The following AUTS2 variants were observed in gnomAD, a reference collection of about 807,000 sequenced individuals.
AUTS2 encodes activator of transcription and developmental regulator AUTS2, also known as autism susceptibility gene 2 protein.
In AUTS2, 17 loss-of-function variants were observed where a neutral mutation model predicts 112.4. That is an observed-to-expected ratio of 0.15 (90% confidence interval 0.10 to 0.23). The LOEUF is 0.23. AUTS2 is among the 10% of genes least tolerant of loss of function. The pLI is 1.00. For missense variants in AUTS2, 1,510 were observed against 1,701.6 expected (o/e 0.89, Z 1.98); for synonymous variants, 751 against 702.7 (o/e 1.07, Z -1.09).
In AUTS2 at chr7:70,011,399, C is replaced by T. The variant is rs1799802521; in HGVS notation, c.523-106733C>T. ...TCCCTTTTCTACTCTCCCACTTCTA[C>T]CCTCATTTACTTATTTCTCAATTTA... On this transcript the variant is annotated intron_variant, in intron 2 of 18. Coordinates refer to ENST00000342771, the MANE Select transcript of AUTS2 (RefSeq NM_015570.4). Among the ~76,000 whole-genome samples the T allele has an allele frequency of 2.1e-5, 3 of 146,048 alleles. No individual in the cohort carries two copies. The Admixed American group carries it at 2.1e-4, about 10-fold the overall frequency.
At chr7:69,946,857 C>T (rs557368168) in intron 2 of AUTS2, among the ~76,000 whole-genome samples, 9 of 152,038 alleles carry the variant, frequency 5.9e-5, no homozygotes, top group Non-Finnish European at 1.2e-4. Context: ...TGTTTCTTTT[C>T]GTCTGGTTGG....
At chr7:70,296,907 T>C (rs1788964909) in intron 4 of AUTS2, among the ~76,000 whole-genome samples, 1 of 150,754 alleles carries the variant, frequency 6.6e-6, no homozygotes, top group Non-Finnish European at 1.5e-5. Flanking sequence ...AGTGGTGTTA[T>C]CACAGCTCGC....
intron 18 of AUTS2, among the ~76,000 whole-genome samples, 155 bp downstream of exon 18, chr7:70,787,586 G>A (rs896999215): frequency 5.9e-5 from 9 of 152,094 alleles, no homozygotes; most frequent in Admixed American, 2.0e-4. Flanking sequence ...GCAGCCCCTC[G>A]CAGTCCCCAT....
At chr7:70,117,117 G>GTTTTTTTTTTT (rs60488343) in intron 2 of AUTS2, among the ~76,000 whole-genome samples, 3 of 73,102 alleles carry the variant, frequency 4.1e-5, no homozygotes, top group African/African-American at 1.7e-4. Flanking sequence ...TTTTTTTTTT[G>GTTTTTTTTTTT]TTTTTTTTTG....
chr7:69,914,151 A>C (rs771634382), intron 2 of AUTS2, among the ~76,000 whole-genome samples: 1 of 152,012 alleles, frequency 6.6e-6, no homozygotes, highest in Non-Finnish European at 1.5e-5. Flanking sequence ...CTGCACTCCA[A>C]GCTCTACTGA....
chr7:70,765,076 G>A, intron 8 of AUTS2, 71 bp downstream of exon 8: 1 of 1,564,856 alleles, frequency 6.4e-7, no homozygotes, highest in Non-Finnish European at 8.7e-7. Flanking sequence ...CCCTACCTAT[G>A]TTGTCCCGAT....
At chr7:70,759,047 G>A (rs1789397021) in intron 6 of AUTS2, among the ~76,000 whole-genome samples, 1 of 152,150 alleles carries the variant, frequency 6.6e-6, no homozygotes, top group African/African-American at 2.4e-5. Context: ...TTGCTTTCAG[G>A]GCTGGCTGAA....
intron 1 of AUTS2, among the ~76,000 whole-genome samples, chr7:69,788,656 A>C (rs1006702294): frequency 3.9e-5 from 6 of 152,166 alleles, no homozygotes; most frequent in Non-Finnish European, 5.9e-5. Flanking sequence ...CATCTAAGTA[A>C]GTAGAAAGTC....
At chr7:70,728,205 T>A (rs1351758407) in intron 6 of AUTS2, among the ~76,000 whole-genome samples, 1 of 152,192 alleles carries the variant, frequency 6.6e-6, no homozygotes, top group African/African-American at 2.4e-5. Context: ...GCTGTCCTGA[T>A]CTGTGGATCT....
chr7:70,095,436 G>A (rs10487940), intron 2 of AUTS2, among the ~76,000 whole-genome samples: 33,731 of 152,012 alleles, frequency 0.22, 3,833 homozygotes, highest in Middle Eastern at 0.3. Flanking sequence ...TGACCCATTA[G>A]GAGAGGCTAA....
chr7:69,621,933 T>A (rs975783260), intron 1 of AUTS2, among the ~76,000 whole-genome samples: 1 of 152,056 alleles, frequency 6.6e-6, no homozygotes, highest in African/African-American at 2.4e-5. Context: ...TTTTTTACTT[T>A]AACCTCCAGT....
chr7:69,639,775 GTC>G (rs1209665562), intron 1 of AUTS2, among the ~76,000 whole-genome samples: 2 of 152,220 alleles, frequency 1.3e-5, no homozygotes, highest in Non-Finnish European at 2.9e-5. Flanking sequence ...TTAGAGAATT[GTC>G]TCTGATGATA....
intron 2 of AUTS2, among the ~76,000 whole-genome samples, chr7:70,099,079 C>G (rs1316333328): frequency 6.6e-6 from 1 of 152,050 alleles, no homozygotes; most frequent in Admixed American, 6.6e-5. Context: ...AATTCCTGCC[C>G]GTCATGATTC....
chr7:70,759,133 C>G (rs918519860), intron 6 of AUTS2, among the ~76,000 whole-genome samples: 1 of 152,324 alleles, frequency 6.6e-6, no homozygotes, highest in East Asian at 1.9e-4. Flanking sequence ...AATATTTTAA[C>G]TGAATCCTGG....
At chr7:69,608,192 C>T (rs1792832884) in intron 1 of AUTS2, among the ~76,000 whole-genome samples, 2 of 152,306 alleles carry the variant, frequency 1.3e-5, no homozygotes, top group South Asian at 4.1e-4. Flanking sequence ...CCTCAGCCTC[C>T]CACAATGCTG....
Position 70,791,858 on chromosome 7 carries a change from T to C in AUTS2, c.*862T>C, listed in dbSNP as rs1211605826. ...AGCCCCGGAGAGGTAACTGAGGACATGAGCAACCAGTGCCAGGGAGGGTGG... is the reference window on the plus strand; with the variant it reads ...AGCCCCGGAGAGGTAACTGAGGACACGAGCAACCAGTGCCAGGGAGGGTGG... On this transcript the variant is annotated 3_prime_UTR_variant, in exon 19 of 19. Coordinates refer to ENST00000342771, the MANE Select transcript of AUTS2 (RefSeq NM_015570.4). The C allele has an allele frequency of 6.6e-6, 1 of 152,158 alleles. No homozygotes were observed. Among genetic ancestry groups the C allele is most frequent in the Non-Finnish European group, 1.5e-5 (1 of 68,038 alleles). The allele number at this position is 152,158 out of a possible 1,614,324, so 9.4% of individuals were successfully genotyped here.
At chr7:69,872,693 CAGTGGTTG>C (rs1793552391) in intron 1 of AUTS2, among the ~76,000 whole-genome samples, 1 of 151,906 alleles carries the variant, frequency 6.6e-6, no homozygotes, top group African/African-American at 2.4e-5. Flanking sequence ...GCAACCACTA[CAGTGGTTG>C]GTAGGAAGTA....
intron 4 of AUTS2, among the ~76,000 whole-genome samples, chr7:70,248,325 T>A (rs772093719): frequency 6.6e-6 from 1 of 152,188 alleles, no homozygotes; most frequent in Non-Finnish European, 1.5e-5. Context: ...CATTTTGCCA[T>A]GTTGGCCAGA....
intron 5 of AUTS2, among the ~76,000 whole-genome samples, chr7:70,563,440 T>C (rs1045870816): frequency 6.6e-6 from 1 of 152,248 alleles, no homozygotes; most frequent in African/African-American, 2.4e-5. Context: ...AGCTCATTTC[T>C]GATAGAAGAA....
Sources: allele counts gnomAD v4.1 joint callset (sites outside exome capture counted in the v4.1 genomes callset), GRCh38; gene constraint gnomAD v4.1.1; transcripts MANE v1.5; gene names NCBI Gene and HGNC (gene_info 2026-07-23, HGNC 2026-07-21).